Variants in AMBRA1 observed in about 807,000 individuals in gnomAD.
AMBRA1 encodes the protein activating molecule in BECN1-regulated autophagy protein 1.
AMBRA1 carries 47 observed loss-of-function variants against 125.4 expected under a neutral mutation model. The observed-to-expected ratio is 0.37, with a 90% CI of 0.30 to 0.48. AMBRA1 has a LOEUF of 0.48. AMBRA1 is among the 20% of genes least tolerant of loss of function. The probability of loss-of-function intolerance (pLI) is 0.99; values close to 1 mark genes in which losing one functional copy is unlikely to be tolerated. For missense variants in AMBRA1, 1,331 were observed against 1,693.4 expected, an observed-to-expected ratio of 0.79 and a Z score of 3.76; for synonymous variants, 626 against 655.5, an observed-to-expected ratio of 0.95 and a Z score of 0.69.
intron 15 of AMBRA1, among the ~76,000 whole-genome samples, chr11:46,417,198 C>T (rs955970913): frequency 5.9e-5 from 9 of 152,168 alleles, no homozygotes; most frequent in East Asian, 1.9e-4. Flanking sequence ...ACTACAGGCA[C>T]GTGCCACTAT....
intron 11 of AMBRA1, among the ~76,000 whole-genome samples, chr11:46,462,398 T>A (rs61882712): frequency 1.3e-5 from 2 of 152,104 alleles, no homozygotes; most frequent in East Asian, 1.9e-4. Context: ...TCTTCCTCTT[T>A]ACTCTCCTCA....
At chr11:46,558,166 CTGAG>C (rs1025002062) in intron 1 of AMBRA1, among the ~76,000 whole-genome samples, 1 of 152,174 alleles carries the variant, frequency 6.6e-6, no homozygotes, top group African/African-American at 2.4e-5. Context: ...AATTCCTAAC[CTGAG>C]TAATTATGAG....
intron 7 of AMBRA1, among the ~76,000 whole-genome samples, chr11:46,515,589 A>G (rs897499697): frequency 1.3e-5 from 2 of 152,246 alleles, no homozygotes; most frequent in Admixed American, 1.3e-4. Flanking sequence ...GTACTGAGTG[A>G]GATGAGATGA....
chr11:46,525,750 C>CAA (rs111312158), intron 7 of AMBRA1, among the ~76,000 whole-genome samples: 1 of 140,830 alleles, frequency 7.1e-6, no homozygotes, highest in East Asian at 2.1e-4. Context: ...GACTCCGTCT[C>CAA]AAAAAAAAAA....
rs948157490 is a variant in AMBRA1, at chr11:46,499,158, C to T, written c.2340-4954G>A. On this transcript the variant is annotated intron_variant, in intron 9 of 17. Coordinates refer to ENST00000683756, the MANE Select transcript of AMBRA1 (RefSeq NM_001387011.1). Reference sequence around the variant, plus strand: ...TAATACAAGAGATAATTACCATTTACAAATTCCTCTCCTCCCTTATGTTAC... The same window carrying T: ...TAATACAAGAGATAATTACCATTTATAAATTCCTCTCCTCCCTTATGTTAC... Among the ~76,000 whole-genome samples, 6 of 152,218 alleles carry T rather than the reference C, an allele frequency of 3.9e-5. No individual in the cohort carries two copies. The East Asian group carries it at 5.8e-4, about 15-fold the overall frequency.
intron 1 of AMBRA1, among the ~76,000 whole-genome samples, chr11:46,563,083 CCTG>C (rs1238082630): frequency 6.6e-6 from 1 of 152,156 alleles, no homozygotes; most frequent in African/African-American, 2.4e-5. Context: ...CCGTGCCTGG[CCTG>C]CTTCCTATTC....
intron 14 of AMBRA1, chr11:46,428,731 G>C: frequency 6.2e-7 from 1 of 1,608,944 alleles, no homozygotes; most frequent in Non-Finnish European, 8.5e-7. Flanking sequence ...CCCCAGCCTC[G>C]GCTTTCTTGT....
chr11:46,525,329 C>T (rs889013555), intron 7 of AMBRA1, among the ~76,000 whole-genome samples: 3 of 151,930 alleles, frequency 2.0e-5, no homozygotes, highest in Admixed American at 1.3e-4. Flanking sequence ...AGGCCAGGCG[C>T]GGTGGCTCAC....
In AMBRA1 at chr11:46,435,043, T is replaced by C. The variant is rs763210929; in HGVS notation, c.2633-6A>G. 3.8e-6 allele frequency: 6 copies of C among 1,595,430 alleles called. No homozygotes were observed. The highest frequency in any genetic ancestry group is 8.5e-7 in the Non-Finnish European group (1 of 1,171,366). Reference sequence around the variant, plus strand: ...CACCAGCACATTCACGGAAGCTGCATCAGACAAAGAAAGAAAAGAGGATAA... The same window carrying C: ...CACCAGCACATTCACGGAAGCTGCACCAGACAAAGAAAGAAAAGAGGATAA... On this transcript the variant is annotated splice_polypyrimidine_tract_variant and splice_region_variant and intron_variant, in intron 12 of 17. Transcript: ENST00000683756.
chr11:46,464,183 G>A lies in AMBRA1; in HGVS notation c.2522-20585C>T, dbSNP rs565526889. ...GAGAAGAGCAGGTGCCAGAGAATCAGCACTAGATGTTTTCATGCATTCAAA... is the reference window on the plus strand; with the variant it reads ...GAGAAGAGCAGGTGCCAGAGAATCAACACTAGATGTTTTCATGCATTCAAA... On this transcript the variant is annotated intron_variant, in intron 11 of 17. Coordinates refer to ENST00000683756, the MANE Select transcript of AMBRA1 (RefSeq NM_001387011.1). Among the ~76,000 whole-genome samples the A allele has an allele frequency of 2.0e-5, 3 of 152,296 alleles. No individual in the cohort carries two copies. In the South Asian group the frequency reaches 6.2e-4, roughly 32 times the overall value.
rs1313600187 is a variant in AMBRA1 at position 46,583,374 on chromosome 11, G to T, written c.-121+10454C>A. Among the ~76,000 whole-genome samples the T allele has an allele frequency of 2.0e-5, 3 of 151,540 alleles. No homozygotes were observed. In the East Asian group the frequency reaches 5.8e-4, roughly 29 times the overall value. On this transcript the variant is annotated intron_variant, in intron 1 of 17. Coordinates refer to ENST00000683756, the MANE Select transcript of AMBRA1 (RefSeq NM_001387011.1). ...TTCAAGATGGATTAAAGACTTAAAC[G>T]TTAGACCTAAAACCATAAAAACGCT...
intron 11 of AMBRA1, among the ~76,000 whole-genome samples, chr11:46,453,299 T>C (rs1298913463): frequency 6.6e-6 from 1 of 152,090 alleles, no homozygotes; most frequent in Non-Finnish European, 1.5e-5. Context: ...AAGGTCTCAT[T>C]CTATCACCCA....
chr11:46,426,801 TTAA>T (rs1241783840), intron 14 of AMBRA1, among the ~76,000 whole-genome samples: 1 of 152,130 alleles, frequency 6.6e-6, no homozygotes, highest in Non-Finnish European at 1.5e-5. Flanking sequence ...TTTAAGAAAA[TTAA>T]TGAGGACAAA....
chr11:46,551,005 G>A (rs2042977127), intron 1 of AMBRA1, among the ~76,000 whole-genome samples: 1 of 150,466 alleles, frequency 6.6e-6, no homozygotes, highest in African/African-American at 2.5e-5. Context: ...GCTGAGGCAG[G>A]AGAATGGCAT....
In AMBRA1 at chr11:46,555,282, T is replaced by C. The variant is rs577168335; in HGVS notation, c.-120-6782A>G. ...ATCTAGAGAGTATGCCACAACCCAG[T>C]GGGAATTAGAAGTTAGATTTAGAGG... On this transcript the variant is annotated intron_variant, in intron 1 of 17. Transcript: ENST00000683756. Among the ~76,000 whole-genome samples, 9 of 152,200 alleles carry C rather than the reference T, an allele frequency of 5.9e-5. 1 individual carries two copies. Among genetic ancestry groups the C allele is most frequent in the South Asian group, 2.1e-4 (1 of 4,812 alleles).
At chr11:46,450,582 G>A (rs971781985) in intron 11 of AMBRA1, among the ~76,000 whole-genome samples, 2 of 152,036 alleles carry the variant, frequency 1.3e-5, no homozygotes, top group Admixed American at 6.6e-5. Flanking sequence ...TGGGGCTACA[G>A]GTGTGTGCCA....
In AMBRA1 at chr11:46,397,232, G is replaced by A. The variant is rs964654260; in HGVS notation, c.*218C>T. ...ATTAAGCCCACAGTGTGGCTCTCCC[G>A]GGCTCCAGATCCTGGAAGGTTCTAG... is the stretch of plus-strand genomic sequence containing the variant. On this transcript the variant is annotated 3_prime_UTR_variant, in exon 18 of 18. Coordinates refer to ENST00000683756, the MANE Select transcript of AMBRA1 (RefSeq NM_001387011.1). 8 of 499,412 alleles carry A rather than the reference G, an allele frequency of 1.6e-5. No individual in the cohort carries two copies. The highest frequency in any genetic ancestry group is 3.5e-5 in the East Asian group (1 of 28,436). The allele number at this position is 499,412 out of a possible 1,614,324, so 30.9% of individuals were successfully genotyped here. A position where few individuals can be genotyped will look rare whatever the true frequency, so the allele number is the denominator to read the frequency against.
At chr11:46,429,278 G>A (rs1590785566) in intron 14 of AMBRA1, 1 of 811,506 alleles carries the variant, frequency 1.2e-6, no homozygotes, top group Non-Finnish European at 2.0e-6. Context: ...ATCGGTGTGT[G>A]GGGAGTGGGA....
intron 11 of AMBRA1, among the ~76,000 whole-genome samples, chr11:46,469,380 A>G (rs918116716): frequency 3.3e-5 from 5 of 152,296 alleles, no homozygotes; most frequent in Non-Finnish European, 5.9e-5. Context: ...GGAGTTAAAA[A>G]AAAGAAATAG....
Sources: gnomAD v4.1 joint callset for allele counts (sites outside exome capture counted in the v4.1 genomes callset) on GRCh38, gnomAD v4.1.1 for gene constraint, MANE v1.5 for transcripts, NCBI Gene and HGNC (gene_info 2026-07-23, HGNC 2026-07-21) for gene names.